TNPO2: variants seen among roughly 807,000 people sequenced by gnomAD.
TNPO2 encodes transportin 2, also known as transportin-2.
In TNPO2, 16 loss-of-function variants were observed where a neutral mutation model predicts 111.1. The observed-to-expected ratio is 0.14, with a 90% CI of 0.10 to 0.22. The LOEUF is 0.22. TNPO2 is among the 10% of genes least tolerant of loss of function. TNPO2 has a pLI of 1.00. For synonymous variants in TNPO2, 481 were observed against 475.8 expected (o/e 1.01, Z -0.14); for missense variants, 530 against 1,173.7 (o/e 0.45, Z 8.01).
At position 12,701,649 on chromosome 19, in the gene TNPO2, A is replaced by G; in HGVS notation, c.2535T>C (p.Ala845=). 1 of 1,613,896 alleles carries G rather than the reference A, an allele frequency of 6.2e-7. No homozygotes were observed. The highest frequency in any genetic ancestry group is 8.5e-7 in the Non-Finnish European group (1 of 1,179,892). The change falls in exon 24 of 26, where the codon GCT becomes GCC. Residue 845 remains alanine, a synonymous_variant. Coordinates refer to ENST00000425528, the MANE Select transcript of TNPO2 (RefSeq NM_001382241.1). This position sits in a 1 kb window ranked among gnomAD's most constrained non-coding sequence, Gnocchi z 5.0. ...VVQDFIFFCD[A]VASWVSPKDD... ...CCTTCGGGCTCACCCAGGAGGCTAC[A>G]GCATCGCAGAAGAAAATAAAGTCCT...
At position 12,705,631 on chromosome 19, in the gene TNPO2, C is replaced by A; in HGVS notation, c.1756-32G>T. 6.3e-7 allele frequency: 1 copy of A among 1,578,052 alleles called. No individual in the cohort carries two copies. The highest frequency in any genetic ancestry group is 8.6e-7 in the Non-Finnish European group (1 of 1,161,196). ...GGGAGGAAGGCAGGTGGGGAGAACT[C>A]AGGCAGGGTGGGCAGGATGGGTTTC... On this transcript the variant is annotated intron_variant, in intron 16 of 25. Coordinates refer to ENST00000425528, the MANE Select transcript of TNPO2 (RefSeq NM_001382241.1). This position sits in a 1 kb window ranked among gnomAD's most constrained non-coding sequence, Gnocchi z 7.2.
chr19:12,716,980 T>C lies in TNPO2; in HGVS notation c.326-1241A>G, dbSNP rs150802959. On this transcript the variant is annotated intron_variant, in intron 5 of 25. Coordinates refer to ENST00000425528, the MANE Select transcript of TNPO2 (RefSeq NM_001382241.1). ...GCCTATTAGATATCCAGGAGTTACA[T>C]ACAGCAGGCATCTGAGGTGCCAGGA... is the stretch of plus-strand genomic sequence containing the variant. Among the ~76,000 whole-genome samples, 478 of 152,166 alleles carry C rather than the reference T, an allele frequency of 3.1e-3. 5 individuals carry two copies. Among genetic ancestry groups the C allele is most frequent in the African/African-American group, 0.011 (450 of 41,472 alleles).
chr19:12,710,563 T>C (rs917209414), intron 13 of TNPO2, 58 bp downstream of exon 13: 21 of 1,583,390 alleles, frequency 1.3e-5, no homozygotes, highest in Non-Finnish European at 1.6e-5. Flanking sequence ...TGGCTAGTAA[T>C]GTGGGCCAGC....
Position 12,723,751 on chromosome 19 carries a change from A to ACC in TNPO2, c.-131+17_-131+18insGG, listed in dbSNP as rs1967160737. ...TTTTGCCCCTGCCTGAAGGAGGGGAACAGCTATCTCAACCCACTTGCCGTA... is the reference window on the plus strand; with the variant it reads ...TTTTGCCCCTGCCTGAAGGAGGGGAACCCAGCTATCTCAACCCACTTGCCGTA... On this transcript the variant is annotated intron_variant, in intron 1 of 25. Coordinates refer to ENST00000425528, the MANE Select transcript of TNPO2 (RefSeq NM_001382241.1). 3 of 152,168 alleles carry ACC rather than the reference A, an allele frequency of 2.0e-5. No homozygotes were observed. The highest frequency in any genetic ancestry group is 7.2e-5 in the African/African-American group (3 of 41,438). 9.4% of individuals were successfully genotyped at this position (152,168 alleles called of 1,614,324 possible).
chr19:12,709,886 T>G (rs1468506352), intron 13 of TNPO2, among the ~76,000 whole-genome samples: 2 of 152,136 alleles, frequency 1.3e-5, no homozygotes, highest in Non-Finnish European at 2.9e-5. Flanking sequence ...CCTGAGTAGC[T>G]GGGATTACAG....
At chr19:12,720,808 T>G in intron 3 of TNPO2, 71 bp downstream of exon 3, 17 of 1,498,796 alleles carry the variant, frequency 1.1e-5, no homozygotes, top group Admixed American at 2.1e-5. Flanking sequence ...GTCCCTCTCT[T>G]TCTCTCTCTG....
In TNPO2 at chr19:12,701,527, C is replaced by A; in HGVS notation, c.2586+71G>T. On this transcript the variant is annotated intron_variant, in intron 24 of 25. Coordinates refer to ENST00000425528, the MANE Select transcript of TNPO2 (RefSeq NM_001382241.1). This position sits in a 1 kb window ranked among gnomAD's most constrained non-coding sequence, Gnocchi z 5.0. The stretch of plus-strand genomic sequence containing the variant: ...GTGCGCCTCTTCCCCCATCCCCAGG[C>A]CCCATTGTTACCAGATGGTCTCACC... 2.5e-6 allele frequency: 4 copies of A among 1,599,228 alleles called. No homozygotes were observed. Among genetic ancestry groups the A allele is most frequent in the Non-Finnish European group, 3.4e-6 (4 of 1,166,850 alleles).
chr19:12,716,437 C>T (rs1568338406), intron 5 of TNPO2, among the ~76,000 whole-genome samples: 1 of 152,010 alleles, frequency 6.6e-6, no homozygotes. Context: ...ACCAGCCTGG[C>T]CAACATGGTG....
At chr19:12,722,623 G>A (rs539980089) in intron 2 of TNPO2, 1 of 149,128 alleles carries the variant, frequency 6.7e-6, no homozygotes, top group African/African-American at 2.5e-5. Context: ...CGCGGCCGTA[G>A]GTGAGCCGCC....
intron 13 of TNPO2, among the ~76,000 whole-genome samples, chr19:12,708,889 C>A (rs930802818): frequency 3.3e-5 from 5 of 151,300 alleles, no homozygotes; most frequent in African/African-American, 1.2e-4. Flanking sequence ...AAGAAATTAG[C>A]CAGGCCTGGT....
At chr19:12,718,977 G>T in intron 5 of TNPO2, 52 bp downstream of exon 5, 1 of 1,602,002 alleles carries the variant, frequency 6.2e-7, no homozygotes. Flanking sequence ...AACATGCTGA[G>T]AAGTGAGAGT....
chr19:12,721,295 G>C lies in TNPO2; in HGVS notation c.-13-305C>G. The C allele has an allele frequency of 7.8e-7, 1 of 1,287,540 alleles. No individual in the cohort carries two copies. Among genetic ancestry groups the C allele is most frequent in the Non-Finnish European group, 1.0e-6 (1 of 1,003,582 alleles). 79.8% of individuals were successfully genotyped at this position (1,287,540 alleles called of 1,614,324 possible). ...CCCTCGTCCCAGGGTGGCCCATGCCGCTGACCCCGGCTCCGAGCCCGAAGG... is the reference window on the plus strand; with the variant it reads ...CCCTCGTCCCAGGGTGGCCCATGCCCCTGACCCCGGCTCCGAGCCCGAAGG... On this transcript the variant is annotated intron_variant, in intron 2 of 25. Coordinates refer to ENST00000425528, the MANE Select transcript of TNPO2 (RefSeq NM_001382241.1). This position sits in a 1 kb window ranked among gnomAD's most constrained non-coding sequence, Gnocchi z 4.9.
At chr19:12,704,662 C>T (rs2025529321) in intron 18 of TNPO2, among the ~76,000 whole-genome samples, 1 of 134,676 alleles carries the variant, frequency 7.4e-6, no homozygotes. Flanking sequence ...GGGACTTGGG[C>T]TTTCACATTT....
At position 12,706,943 on chromosome 19, in the gene TNPO2, G is replaced by A; in HGVS notation, c.1271-148C>T. On this transcript the variant is annotated intron_variant, in intron 13 of 25. Coordinates refer to ENST00000425528, the MANE Select transcript of TNPO2 (RefSeq NM_001382241.1). The surrounding 1 kb of genome is among the most constrained non-coding windows in gnomAD (Gnocchi z 7.0). The stretch of plus-strand genomic sequence containing the variant: ...GCCCAGACTCATTTCACAGAGCCAG[G>A]TAAAGGCAGGCACAGGAGGGGAAAC... 1 of 679,776 alleles carries A rather than the reference G, an allele frequency of 1.5e-6. No homozygotes were observed. Among genetic ancestry groups the A allele is most frequent in the Non-Finnish European group, 2.5e-6 (1 of 399,884 alleles). The allele number at this position is 679,776 out of a possible 1,614,324, so 42.1% of individuals were successfully genotyped here. A position where few individuals can be genotyped will look rare whatever the true frequency, so the allele number is the denominator to read the frequency against.
Position 12,719,033 on chromosome 19 carries a change from G to A in TNPO2, c.321C>T (p.Thr107=). The change falls in exon 5 of 26, where the codon ACC becomes ACT. Residue 107 remains threonine (T), a synonymous_variant. Coordinates refer to ENST00000425528, the MANE Select transcript of TNPO2 (RefSeq NM_001382241.1). This position sits in a 1 kb window ranked among gnomAD's most constrained non-coding sequence, Gnocchi z 5.0. Reference sequence around the variant, plus strand: ...AACCCCCGCTGCCCCTCTCACCAATGGTGGCTCGGATGAGCGAGGAGGCAT... The same window carrying A: ...AACCCCCGCTGCCCCTCTCACCAATAGTGGCTCGGATGAGCGAGGAGGCAT... ...IGDASSLIRA[T]IGILITTIAS... is the part of the protein sequence containing the mutation. The A allele has an allele frequency of 6.2e-7, 1 of 1,613,508 alleles. No homozygotes were observed. The highest frequency in any genetic ancestry group is 8.5e-7 in the Non-Finnish European group (1 of 1,179,834).
Position 12,701,011 on chromosome 19 carries a change from G to C in TNPO2, c.*253C>G, listed in dbSNP as rs189203088. 5.7e-3 allele frequency: 1,630 copies of C among 286,790 alleles called. 25 individuals are homozygous for C. Among genetic ancestry groups the C allele is most frequent in the Non-Finnish European group, 4.9e-3 (747 of 151,206 alleles). 17.8% of individuals were successfully genotyped at this position (286,790 alleles called of 1,614,324 possible). A position where few individuals can be genotyped will look rare whatever the true frequency, so the allele number is the denominator to read the frequency against. On this transcript the variant is annotated 3_prime_UTR_variant, in exon 26 of 26. Transcript: ENST00000425528. The surrounding 1 kb of genome is among the most constrained non-coding windows in gnomAD (Gnocchi z 5.0). The stretch of plus-strand genomic sequence containing the variant: ...GAGATGACCCTATTAGAGCCCAGGG[G>C]CCCTTGCCCACCAGAAGTCCCCCCC...
Position 12,716,255 on chromosome 19 carries a change from C to T in TNPO2, c.326-516G>A, listed in dbSNP as rs74388729. Among the ~76,000 whole-genome samples, 426 of 152,262 alleles carry T rather than the reference C, an allele frequency of 2.8e-3. 12 individuals carry two copies. In the East Asian group the frequency reaches 0.048, roughly 17 times the overall value. ...CAACTCTGTTCCAGGCCCTGAGGCA[C>T]AGCACAGAGCAAAACACAAAATCCT... On this transcript the variant is annotated intron_variant, in intron 5 of 25. Transcript: ENST00000425528.
At chr19:12,717,295 G>A (rs1381317067) in intron 5 of TNPO2, among the ~76,000 whole-genome samples, 1 of 130,506 alleles carries the variant, frequency 7.7e-6, no homozygotes, top group African/African-American at 2.9e-5. Flanking sequence ...TTTTTGAGAT[G>A]GAGTCTCACT....
rs756915226 is a variant in TNPO2, at chr19:12,703,504, G to T, written c.2133C>A (p.Gly711=). 27 of 1,613,892 alleles carry T rather than the reference G, an allele frequency of 1.7e-5. No homozygotes were observed. In the South Asian group the frequency reaches 2.4e-4, roughly 14 times the overall value. ...AGATGAACTCTGGGTTCAGGTTGGT[G>T]CCCAGAATGGGCATGAACTCGGCTG... is the stretch of plus-strand genomic sequence containing the variant. The part of the protein sequence containing the change: ...PCIAEFMPIL[G]TNLNPEFISV... The change falls in exon 20 of 26, where the codon GGC becomes GGA. Residue 711 remains glycine, a synonymous_variant. Transcript: ENST00000425528.
Sources: allele counts gnomAD v4.1 joint callset (sites outside exome capture counted in the v4.1 genomes callset), GRCh38; gene constraint gnomAD v4.1.1; non-coding constraint Gnocchi (gnomAD v3.1); transcripts MANE v1.5; gene names NCBI Gene and HGNC (gene_info 2026-07-23, HGNC 2026-07-21).